The following DMD variants were observed in gnomAD, a reference collection of about 807,000 sequenced individuals.
DMD encodes dystrophin.
DMD carries 63 observed loss-of-function variants against 330.1 expected under a neutral mutation model. The observed-to-expected ratio is 0.19, with a 90% CI of 0.16 to 0.24. The LOEUF is 0.24. Ranked by LOEUF, DMD falls within the 10% of genes least tolerant of loss-of-function variation. The probability of loss-of-function intolerance (pLI) is 1.00; values close to 1 mark genes in which losing one functional copy is unlikely to be tolerated. For missense variants in DMD, 3,344 were observed against 2,684.1 expected (o/e 1.25, Z -5.43); for synonymous variants, 1,223 against 959.8 (o/e 1.27, Z -5.07).
chrX:31,717,880 G>C (rs1242275318), intron 52 of DMD, among the ~76,000 whole-genome samples: 1 of 111,487 alleles, frequency 9.0e-6, no homozygotes, highest in Admixed American at 9.5e-5. Flanking sequence ...TCCTTTCCTC[G>C]ACCAGTTCTA....
Position 32,403,891 on chromosome X carries a change from A to T in DMD, c.4233+7861T>A, listed in dbSNP as rs2098101861. 2.7e-5 allele frequency among the ~76,000 whole-genome samples: 3 copies of T among 111,863 alleles called. No homozygotes were observed. The Admixed American group carries it at 2.9e-4, about 11-fold the overall frequency. On this transcript the variant is annotated intron_variant, in intron 30 of 78. Coordinates refer to ENST00000357033, the MANE Select transcript of DMD (RefSeq NM_004006.3). ...AATTACCACATAAATTCCCCTTTGCAGGTTTCTGCTGTCTAACTCATAAAT... is the reference window on the plus strand; with the variant it reads ...AATTACCACATAAATTCCCCTTTGCTGGTTTCTGCTGTCTAACTCATAAAT...
chrX:31,935,544 T>C (rs1157745715), intron 45 of DMD, among the ~76,000 whole-genome samples: 28 of 111,435 alleles, frequency 2.5e-4, no homozygotes, highest in Non-Finnish European at 1.5e-4. Context: ...ATTCCTTGGG[T>C]CTAGATTTTG....
At chrX:32,193,216 G>A (rs1184207916) in intron 44 of DMD, among the ~76,000 whole-genome samples, 1 of 112,007 alleles carries the variant, frequency 8.9e-6, no homozygotes, top group Admixed American at 9.5e-5. Flanking sequence ...CTGCAGAACT[G>A]TGAGCCAAGT....
intron 28 of DMD, among the ~76,000 whole-genome samples, chrX:32,438,755 A>T (rs1303502725): frequency 8.9e-6 from 1 of 111,906 alleles, no homozygotes; most frequent in African/African-American, 3.2e-5. Flanking sequence ...GTACTCTCTC[A>T]AGAAGAATCC....
chrX:33,337,795 C>T (rs985094642), intron 1 of DMD, among the ~76,000 whole-genome samples: 3 of 111,676 alleles, frequency 2.7e-5, no homozygotes, highest in Admixed American at 9.5e-5. Context: ...AAGAGGAATA[C>T]GTAATTGAAA....
chrX:32,088,578 A>G (rs935497583), intron 44 of DMD, among the ~76,000 whole-genome samples: 1 of 109,754 alleles, frequency 9.1e-6, no homozygotes, highest in African/African-American at 3.3e-5. Context: ...GTAGTTTCGT[A>G]ATAGGAGAAA....
At chrX:31,760,266 T>C (rs956211966) in intron 51 of DMD, among the ~76,000 whole-genome samples, 2 of 112,020 alleles carry the variant, frequency 1.8e-5, no homozygotes, top group African/African-American at 6.5e-5. Context: ...TTAACCACTT[T>C]ATTGATTTCT....
At chrX:33,063,678 A>G (rs1176421393) in intron 1 of DMD, among the ~76,000 whole-genome samples, 2 of 111,174 alleles carry the variant, frequency 1.8e-5, no homozygotes, top group Non-Finnish European at 3.8e-5. Flanking sequence ...AGACACCCAT[A>G]GAGGCAGTTC....
intron 9 of DMD, among the ~76,000 whole-genome samples, chrX:32,673,947 C>G (rs1287754638): frequency 9.0e-6 from 1 of 111,527 alleles, no homozygotes; most frequent in Non-Finnish European, 1.9e-5. Context: ...CAAAGAAACC[C>G]CAGGTCTAAC....
intron 2 of DMD, among the ~76,000 whole-genome samples, chrX:32,910,694 G>A (rs967183001): frequency 4.5e-5 from 5 of 111,615 alleles, no homozygotes; most frequent in Non-Finnish European, 9.4e-5. Context: ...GCCTGCCTCG[G>A]CCCCCCAAAG....
chrX:33,250,085 TTATATATATATATA>T (rs560212408), intron 1 of DMD, among the ~76,000 whole-genome samples: 5 of 75,436 alleles, frequency 6.6e-5, no homozygotes, highest in Admixed American at 2.8e-4. Context: ...AAACTATTCA[TTATATATATATATA>T]TATATATATA....
chrX:32,263,867 A>T (rs974428451), intron 43 of DMD, among the ~76,000 whole-genome samples: 2 of 112,046 alleles, frequency 1.8e-5, no homozygotes, highest in African/African-American at 6.5e-5. Context: ...CATTGATTTT[A>T]AAAAATATTT....
intron 11 of DMD, among the ~76,000 whole-genome samples, chrX:32,629,237 G>C (rs1005911505): frequency 1.8e-5 from 2 of 111,568 alleles, no homozygotes; most frequent in Admixed American, 1.9e-4. Flanking sequence ...ATGTCCTCTT[G>C]CTGAATTGAC....
At chrX:32,181,197 A>G (rs2096926022) in intron 44 of DMD, among the ~76,000 whole-genome samples, 2 of 111,852 alleles carry the variant, frequency 1.8e-5, no homozygotes, top group Non-Finnish European at 3.8e-5. Context: ...TGTAAGCCAT[A>G]GTCCTTAGAA....
chrX:31,444,962 G>A (rs968204305), intron 59 of DMD, among the ~76,000 whole-genome samples: 3 of 110,988 alleles, frequency 2.7e-5, no homozygotes, highest in African/African-American at 9.8e-5. Context: ...TGAGGAATGG[G>A]CCTTCCCCAG....
intron 42 of DMD, among the ~76,000 whole-genome samples, chrX:32,290,767 G>A (rs749980788): frequency 4.7e-4 from 53 of 111,793 alleles, no homozygotes; most frequent in South Asian, 4.5e-3. Flanking sequence ...GAAGTTTTAA[G>A]TAGGTTTTAT....
chrX:31,878,062 G>T (rs2093996865), intron 47 of DMD, among the ~76,000 whole-genome samples: 1 of 111,693 alleles, frequency 9.0e-6, no homozygotes, highest in Non-Finnish European at 1.9e-5. Flanking sequence ...AACTAAGACT[G>T]CTGGTTTCCT....
chrX:31,778,889 A>G (rs748686300), intron 50 of DMD, among the ~76,000 whole-genome samples: 33 of 111,677 alleles, frequency 3.0e-4, no homozygotes, highest in Non-Finnish European at 5.8e-4. Context: ...ATTTTATTGT[A>G]TATATCACAT....
intron 44 of DMD, among the ~76,000 whole-genome samples, chrX:32,098,754 T>A (rs780203931): frequency 2.7e-4 from 30 of 112,226 alleles, no homozygotes; most frequent in Non-Finnish European, 4.5e-4. Flanking sequence ...TCAATCAGAA[T>A]GCTCATAAAA....
Sources: gnomAD v4.1 joint callset for allele counts (sites outside exome capture counted in the v4.1 genomes callset) on GRCh38, gnomAD v4.1.1 for gene constraint, MANE v1.5 for transcripts, NCBI Gene and HGNC (gene_info 2026-07-23, HGNC 2026-07-21) for gene names.